TTLL12: variants seen among roughly 807,000 people sequenced by gnomAD.
TTLL12 encodes tubulin tyrosine ligase like 12, also known as tubulin--tyrosine ligase-like protein 12.
TTLL12 carries 77 observed loss-of-function variants against 79.6 expected under a neutral mutation model. That is an observed-to-expected ratio of 0.97 (90% CI 0.81 to 1.17). TTLL12 has a LOEUF of 1.17. Ranked by LOEUF, TTLL12 falls within the 50% of genes most tolerant of loss-of-function variation. The pLI is 0.00. For missense variants in TTLL12, 969 were observed against 895.9 expected (o/e 1.08, Z -1.04); for synonymous variants, 437 against 376.1 (o/e 1.16, Z -1.87).
At chr22:43,182,749 C>T (rs2146624419) in intron 2 of TTLL12, among the ~76,000 whole-genome samples, 1 of 152,334 alleles carries the variant, frequency 6.6e-6, no homozygotes, top group Admixed American at 6.5e-5. Context: ...AATGAGACCG[C>T]TGGGAGAGGC....
chr22:43,174,826 C>A (rs922769063), intron 6 of TTLL12, among the ~76,000 whole-genome samples: 15 of 152,188 alleles, frequency 9.9e-5, no homozygotes, highest in Non-Finnish European at 2.1e-4. Flanking sequence ...ACCCTTGTGA[C>A]CCCTGGTTCC....
Position 43,174,503 on chromosome 22 carries a change from A to G in TTLL12, c.1030T>C (p.Tyr344His). The change falls in exon 7 of 14, where the codon TAC (tyrosine) becomes CAC (histidine). Residue 344 changes from tyrosine to histidine, a missense_variant. Coordinates refer to ENST00000216129, the MANE Select transcript of TTLL12 (RefSeq NM_015140.4). Reference protein sequence around the residue: ...ILFNFSHFKDYRKLSQERPGV... With the variant: ...ILFNFSHFKDHRKLSQERPGV... ...TGCGGCCAGAGGTGCCCTCACCTGTAGTCCTTGAAGTGTGAGAAGTTGAAG... is the reference window on the plus strand; with the variant it reads ...TGCGGCCAGAGGTGCCCTCACCTGTGGTCCTTGAAGTGTGAGAAGTTGAAG... The G allele has an allele frequency of 1.2e-6, 2 of 1,609,328 alleles. No homozygotes were observed. The highest frequency in any genetic ancestry group is 4.5e-5 in the East Asian group (2 of 44,772).
At chr22:43,174,703 CCT>C in intron 6 of TTLL12, 88 bp from the exon 7 acceptor site, 2 of 981,406 alleles carry the variant, frequency 2.0e-6, no homozygotes, top group South Asian at 1.6e-5. Flanking sequence ...GACTCCCTTC[CCT>C]GTTTTGAAGC....
intron 5 of TTLL12, among the ~76,000 whole-genome samples, chr22:43,178,724 C>T (rs960332802): frequency 3.3e-5 from 5 of 152,214 alleles, no homozygotes; most frequent in Admixed American, 6.5e-5. Flanking sequence ...CTTCAGTCGC[C>T]GTGGGGGCAA....
At position 43,179,782 on chromosome 22, in the gene TTLL12, G is replaced by A. The variant is rs774775601; in HGVS notation, c.707-30C>T. 1.1e-5 allele frequency: 17 copies of A among 1,548,894 alleles called. No homozygotes were observed. The African/African-American group carries it at 1.6e-4, about 15-fold the overall frequency. On this transcript the variant is annotated intron_variant, in intron 4 of 13. Coordinates refer to ENST00000216129, the MANE Select transcript of TTLL12 (RefSeq NM_015140.4). Reference sequence around the variant, plus strand: ...GCCAAGACATGAGTGCCCATCAGAGGGGGTGACGGGACACTGGGCTGAGGC... The same window carrying A: ...GCCAAGACATGAGTGCCCATCAGAGAGGGTGACGGGACACTGGGCTGAGGC...
At chr22:43,168,989 G>A (rs1257968355) in intron 12 of TTLL12, 77 bp from the exon 13 acceptor site, 1 of 1,497,152 alleles carries the variant, frequency 6.7e-7, no homozygotes, top group Non-Finnish European at 8.9e-7. Flanking sequence ...CCCTGCCCAA[G>A]TCCCGGGCCC....
intron 2 of TTLL12, among the ~76,000 whole-genome samples, chr22:43,182,645 T>C (rs948912961): frequency 6.6e-6 from 1 of 152,116 alleles, no homozygotes; most frequent in Non-Finnish European, 1.5e-5. Flanking sequence ...GGGCTGTGAC[T>C]GGGGAGGAGT....
At position 43,186,904 on chromosome 22, in the gene TTLL12, G is replaced by T; in HGVS notation, c.166C>A (p.Leu56Met). Residue 56 changes from leucine (L) to methionine (M), a missense_variant, in exon 1 of 14, where the codon CTG becomes ATG. Leu to Met is a conservative substitution (Grantham distance 15). Coordinates refer to ENST00000216129, the MANE Select transcript of TTLL12 (RefSeq NM_015140.4). ...GCCCTTCCCCGCACCTCGTGCTCCA[G>T]CTTGTGCAGGAGGCGGCCCCAGTAA... ...ERYWGRLLHK[L>M]EHEVFDAGEV... is the part of the protein sequence containing the mutation. 2 of 1,331,328 alleles carry T rather than the reference G, an allele frequency of 1.5e-6. No individual in the cohort carries two copies. Among genetic ancestry groups the T allele is most frequent in the Non-Finnish European group, 9.6e-7 (1 of 1,040,320 alleles). The allele number at this position is 1,331,328 out of a possible 1,614,324, so 82.5% of individuals were successfully genotyped here.
chr22:43,174,741 T>G, intron 6 of TTLL12, 126 bp from the exon 7 acceptor site: 10 of 704,632 alleles, frequency 1.4e-5, no homozygotes, highest in Admixed American at 2.8e-5. Context: ...AAGTCCTGGG[T>G]TCGAGTCATG....
chr22:43,174,220 C>G lies in TTLL12; in HGVS notation c.1218G>C (p.Gln406His). 1 of 1,603,222 alleles carries G rather than the reference C, an allele frequency of 6.2e-7. No homozygotes were observed. Among genetic ancestry groups the G allele is most frequent in the Non-Finnish European group, 8.5e-7 (1 of 1,179,804 alleles). Residue 406 changes from glutamine to histidine, a missense_variant, in exon 8 of 14, where the codon CAG becomes CAC. Transcript: ENST00000216129. ...TGTCTGGGACTTACCACCTTTCCCG[C>G]TGCTGGAAGTAGCTGACAAACTGGG... ...ELPQFVSYFQQRERWGEDNHW... is the reference protein window; with the variant it reads ...ELPQFVSYFQHRERWGEDNHW...
chr22:43,180,908 C>T lies in TTLL12; in HGVS notation c.380G>A (p.Arg127His), dbSNP rs372418774. Residue 127 changes from arginine to histidine, a missense_variant, in exon 3 of 14, where the codon CGT becomes CAT. Transcript: ENST00000216129. ...IFLIDHAWTC[R>H]VEHARQQLQQ... ...CAGCTGCTGGCGCGCGTGCTCCACA[C>T]GGCACGTCCAGGCGTGGTCGATGAG... 2.7e-4 allele frequency: 439 copies of T among 1,612,490 alleles called. 1 individual carries two copies. The highest frequency in any genetic ancestry group is 1.8e-3 in the South Asian group (168 of 91,034).
chr22:43,167,319 C>G lies in TTLL12; in HGVS notation c.*689G>C, dbSNP rs1235026469. ...CTGATTTCCCTGTTGGGGTCTGTGA[C>G]CCTCAGCAAACGAAAAGGAAACGGT... On this transcript the variant is annotated 3_prime_UTR_variant, in exon 14 of 14. Coordinates refer to ENST00000216129, the MANE Select transcript of TTLL12 (RefSeq NM_015140.4). The G allele has an allele frequency of 7.6e-6, 3 of 395,462 alleles. No individual in the cohort carries two copies. The highest frequency in any genetic ancestry group is 3.7e-4 in the Middle Eastern group (1 of 2,738). 24.5% of individuals were successfully genotyped at this position (395,462 alleles called of 1,614,324 possible).
intron 1 of TTLL12, chr22:43,186,026 G>A (rs1932174243): frequency 5.1e-6 from 5 of 985,370 alleles, no homozygotes; most frequent in South Asian, 4.7e-5. Context: ...CTGGCTCAGA[G>A]ACCGTAGAGT....
intron 8 of TTLL12, 140 bp downstream of exon 8, chr22:43,174,069 C>A (rs1348473954): frequency 8.3e-7 from 1 of 1,206,790 alleles, no homozygotes; most frequent in African/African-American, 1.5e-5. Context: ...TCCGTGAAGA[C>A]GGCCGTGACG....
At chr22:43,169,876 T>C in intron 11 of TTLL12, 1 of 486,576 alleles carries the variant, frequency 2.1e-6, no homozygotes, top group South Asian at 1.5e-5. Flanking sequence ...CGCGAGACAA[T>C]GAACATCGAG....
At chr22:43,185,675 G>A (rs1932167103) in intron 1 of TTLL12, among the ~76,000 whole-genome samples, 1 of 152,230 alleles carries the variant, frequency 6.6e-6, no homozygotes, top group Non-Finnish European at 1.5e-5. Flanking sequence ...GTGGGAGCCA[G>A]ATGGTGTCTC....
chr22:43,168,685 G>A (rs1293207854), intron 13 of TTLL12, 89 bp downstream of exon 13: 9 of 1,510,500 alleles, frequency 6.0e-6, no homozygotes, highest in Non-Finnish European at 8.0e-6. Context: ...AGGACAGCCT[G>A]GGGCAGCTGC....
At position 43,168,895 on chromosome 22, in the gene TTLL12, G is replaced by T; in HGVS notation, c.1662C>A (p.Ala554=). ...WTDVQAEIFR[A]FTELFQVACA... ...AGGCCACCTGGAACAGCTCCGTGAAGGCCCGGAAGATCTCAGCCTGGGGAC... is the reference window on the plus strand; with the variant it reads ...AGGCCACCTGGAACAGCTCCGTGAATGCCCGGAAGATCTCAGCCTGGGGAC... Residue 554 remains alanine (A), a synonymous_variant, in exon 13 of 14, where the codon GCC becomes GCA. Coordinates refer to ENST00000216129, the MANE Select transcript of TTLL12 (RefSeq NM_015140.4). 1.2e-6 allele frequency: 2 copies of T among 1,611,106 alleles called. No homozygotes were observed. The highest frequency in any genetic ancestry group is 2.2e-5 in the South Asian group (2 of 90,650).
intron 6 of TTLL12, 24 bp downstream of exon 6, chr22:43,176,296 A>C (rs1344639323): frequency 6.5e-7 from 1 of 1,540,684 alleles, no homozygotes; most frequent in East Asian, 2.3e-5. Context: ...GTCCCAGCCC[A>C]AGCAGTGGGG....
Sources: gnomAD v4.1 joint callset for allele counts (sites outside exome capture counted in the v4.1 genomes callset) on GRCh38, gnomAD v4.1.1 for gene constraint, MANE v1.5 for transcripts, NCBI Gene and HGNC (gene_info 2026-07-23, HGNC 2026-07-21) for gene names.